Variants in PDE1A observed in about 807,000 individuals in gnomAD.
PDE1A encodes the protein dual specificity calcium/calmodulin-dependent 3',5'-cyclic nucleotide phosphodiesterase 1A.
Under a neutral mutation model 61.7 loss-of-function variants are expected in PDE1A, and 35 were observed. The ratio of observed to expected loss-of-function variants is 0.57; its 90% CI spans 0.43 to 0.75. PDE1A has a LOEUF of 0.75. Ranked by LOEUF, PDE1A falls within the 30% of genes least tolerant of loss-of-function variation. The pLI is 0.00. For synonymous variants in PDE1A, 232 were observed against 213.2 expected (o/e 1.09, Z -0.77); for missense variants, 597 against 630.6 (o/e 0.95, Z 0.57).
chr2:182,514,519 G>C (rs1224886128), intron 2 of PDE1A, among the ~76,000 whole-genome samples: 1 of 151,722 alleles, frequency 6.6e-6, no homozygotes, highest in Non-Finnish European at 1.5e-5. Context: ...CCAAAATAAA[G>C]TTATAACCAT....
chr2:182,501,586 T>C (rs990539910), intron 2 of PDE1A, among the ~76,000 whole-genome samples: 2 of 152,254 alleles, frequency 1.3e-5, no homozygotes, highest in Non-Finnish European at 1.5e-5. Flanking sequence ...CATATATTCA[T>C]TTCACAAATT....
At chr2:182,243,582 G>A (rs892311926) in intron 2 of PDE1A, among the ~76,000 whole-genome samples, 2 of 152,134 alleles carry the variant, frequency 1.3e-5, no homozygotes, top group African/African-American at 2.4e-5. Flanking sequence ...GGCCTTGGAA[G>A]GATTCTGTCA....
At chr2:182,261,167 T>C (rs1692193708) in intron 2 of PDE1A, among the ~76,000 whole-genome samples, 1 of 152,216 alleles carries the variant, frequency 6.6e-6, no homozygotes, top group African/African-American at 2.4e-5. Context: ...CAGAGGTCAC[T>C]AAAAACCATT....
chr2:182,645,917 A>C, the PDE1A span, among the ~76,000 whole-genome samples: 2 of 152,230 alleles, frequency 1.3e-5, no homozygotes, highest in Admixed American at 1.3e-4. Flanking sequence ...GAATTTGCCT[A>C]AAATATATTT....
the PDE1A span, among the ~76,000 whole-genome samples, chr2:182,667,777 C>A: frequency 6.6e-6 from 1 of 152,036 alleles, no homozygotes; most frequent in Non-Finnish European, 1.5e-5. Context: ...AGAACAATGT[C>A]AATGTTCAAC....
At chr2:182,477,565 C>A (rs1324408982) in intron 2 of PDE1A, among the ~76,000 whole-genome samples, 2 of 151,850 alleles carry the variant, frequency 1.3e-5, no homozygotes, top group African/African-American at 4.8e-5. Context: ...GTCCTGCCTC[C>A]ACATATGGTA....
chr2:182,456,800 T>A (rs939541429), intron 2 of PDE1A, among the ~76,000 whole-genome samples: 2 of 152,158 alleles, frequency 1.3e-5, no homozygotes, highest in African/African-American at 2.4e-5. Flanking sequence ...CCAAAAAATG[T>A]GCGTGTGTGT....
chr2:182,627,572 CATG>C, the PDE1A span, among the ~76,000 whole-genome samples: 4 of 150,850 alleles, frequency 2.7e-5, no homozygotes, highest in East Asian at 7.7e-4. Flanking sequence ...ATTGCTCACA[CATG>C]ATATTTTAAT....
intron 1 of PDE1A, among the ~76,000 whole-genome samples, chr2:182,390,412 G>A (rs1053753054): frequency 1.1e-4 from 17 of 152,154 alleles, no homozygotes; most frequent in Non-Finnish European, 2.5e-4. Context: ...GAGGGGCAAG[G>A]AGTTTAGTGA....
At chr2:182,528,454 C>T in the PDE1A span, among the ~76,000 whole-genome samples, 4 of 152,138 alleles carry the variant, frequency 2.6e-5, no homozygotes, top group Non-Finnish European at 5.9e-5. Flanking sequence ...CTGTTAAAAG[C>T]ATTCAGTTTT....
chr2:182,575,256 A>T, the PDE1A span, among the ~76,000 whole-genome samples: 1 of 151,856 alleles, frequency 6.6e-6, no homozygotes, highest in Non-Finnish European at 1.5e-5. Flanking sequence ...ACTAAAAGAC[A>T]CCCTAATTGA....
chr2:182,169,256 T>C (rs16822776), intron 13 of PDE1A, among the ~76,000 whole-genome samples: 4,824 of 152,076 alleles, frequency 0.032, 242 homozygotes, highest in African/African-American at 0.11. Flanking sequence ...AGTAGAGTTA[T>C]GGAAATACAG....
At chr2:182,560,119 T>A in the PDE1A span, among the ~76,000 whole-genome samples, 1 of 151,784 alleles carries the variant, frequency 6.6e-6, no homozygotes, top group Non-Finnish European at 1.5e-5. Flanking sequence ...ATGTGCAGGT[T>A]AGTTACATAT....
At chr2:182,564,446 CT>C in the PDE1A span, among the ~76,000 whole-genome samples, 11 of 152,274 alleles carry the variant, frequency 7.2e-5, no homozygotes, top group African/African-American at 2.6e-4. Context: ...ATGGGCTTCC[CT>C]TTGTGGGTAA....
At chr2:182,619,668 A>C in the PDE1A span, among the ~76,000 whole-genome samples, 42 of 152,296 alleles carry the variant, frequency 2.8e-4, no homozygotes, top group African/African-American at 1.0e-3. Context: ...TCTTTTATCA[A>C]AATTTCCTTT....
rs555045619 is a variant in PDE1A, at chr2:182,305,729, A to T, written c.54-41315T>A. On this transcript the variant is annotated intron_variant, in intron 1 of 13. Coordinates refer to ENST00000351439, the Ensembl canonical transcript of PDE1A. ...CTGTTGTTGTTTTTATTATCTTAAAAGTAGATAATTATTTTTATTATATTG... is the reference window on the plus strand; with the variant it reads ...CTGTTGTTGTTTTTATTATCTTAAATGTAGATAATTATTTTTATTATATTG... Among the ~76,000 whole-genome samples the T allele has an allele frequency of 1.1e-4, 17 of 152,216 alleles. No homozygotes were observed. In the South Asian group the frequency reaches 3.5e-3, roughly 32 times the overall value.
intron 2 of PDE1A, among the ~76,000 whole-genome samples, chr2:182,259,171 A>G (rs1692048447): frequency 1.3e-5 from 2 of 152,192 alleles, no homozygotes; most frequent in African/African-American, 4.8e-5. Context: ...ATTGACATCA[A>G]TGCAGTATCT....
chr2:182,329,503 C>CCTCA (rs1214120758), intron 1 of PDE1A, among the ~76,000 whole-genome samples: 11 of 152,262 alleles, frequency 7.2e-5, no homozygotes, highest in Admixed American at 2.0e-4. Context: ...GATTCTCCTG[C>CCTCA]CTCAGCCTCC....
chr2:182,247,641 T>C (rs1691075443), intron 2 of PDE1A, among the ~76,000 whole-genome samples: 1 of 152,186 alleles, frequency 6.6e-6, no homozygotes, highest in South Asian at 2.1e-4. Context: ...CGCTAGACAG[T>C]GCAGGAACAA....
Sources: allele counts gnomAD v4.1 joint callset (sites outside exome capture counted in the v4.1 genomes callset), GRCh38; gene constraint gnomAD v4.1.1; transcripts MANE v1.5; gene names NCBI Gene and HGNC (gene_info 2026-07-23, HGNC 2026-07-21).